GFPT2: variants seen among roughly 807,000 people sequenced by gnomAD.
The protein encoded by GFPT2 is glutamine--fructose-6-phosphate transaminase 2.
A neutral mutation model predicts 85.6 loss-of-function variants in GFPT2; 62 were observed. That is an observed-to-expected ratio of 0.72 (90% CI 0.59 to 0.90). The LOEUF (loss-of-function observed/expected upper bound fraction) is 0.90. GFPT2 is among the 40% of genes least tolerant of loss of function. GFPT2 has a pLI of 0.00. For missense variants in GFPT2, 788 were observed against 893.4 expected, an observed-to-expected ratio of 0.88 and a Z score of 1.50; for synonymous variants, 368 against 344.5, an observed-to-expected ratio of 1.07 and a Z score of -0.75.
At chr5:180,319,800 C>T (rs1374759475) in intron 9 of GFPT2, among the ~76,000 whole-genome samples, 1 of 152,074 alleles carries the variant, frequency 6.6e-6, no homozygotes, top group Non-Finnish European at 1.5e-5. Flanking sequence ...TTGTAAACTC[C>T]AGCGTACAGG....
At chr5:180,304,965 T>C (rs1763747352) in intron 16 of GFPT2, 26 bp from the exon 17 acceptor site, 1 of 1,555,440 alleles carries the variant, frequency 6.4e-7, no homozygotes, top group Non-Finnish European at 8.9e-7. Context: ...GAGATCAGAG[T>C]CACACTGGGC....
At chr5:180,335,325 G>A (rs535801519) in intron 4 of GFPT2, among the ~76,000 whole-genome samples, 28 of 152,362 alleles carry the variant, frequency 1.8e-4, no homozygotes, top group African/African-American at 6.3e-4. Context: ...GGCTGCTGAG[G>A]TCTCCCGCTG....
At chr5:180,309,466 A>G (rs544632079) in intron 15 of GFPT2, among the ~76,000 whole-genome samples, 3 of 152,158 alleles carry the variant, frequency 2.0e-5, no homozygotes, top group African/African-American at 7.2e-5. Context: ...TGTTGCCCAG[A>G]CTGGAGTGCA....
intron 4 of GFPT2, among the ~76,000 whole-genome samples, chr5:180,333,239 C>CT (rs11341578): frequency 2.6e-4 from 39 of 148,050 alleles, no homozygotes; most frequent in Admixed American, 1.0e-3. Context: ...CTTTTTCTTT[C>CT]TTTTTTTTTT....
intron 12 of GFPT2, 53 bp downstream of exon 12, chr5:180,316,711 G>C (rs974134662): frequency 7.8e-7 from 1 of 1,275,468 alleles, no homozygotes; most frequent in African/African-American, 1.5e-5. Flanking sequence ...CTGAAGGCCA[G>C]TGTCTGGTCC....
In GFPT2 at chr5:180,328,249, T is replaced by C. The variant is rs1328929267; in HGVS notation, c.596+28A>G. On this transcript the variant is annotated intron_variant, in intron 7 of 18. Transcript: ENST00000253778. The surrounding 1 kb of genome is among the most constrained non-coding windows in gnomAD (Gnocchi z 5.4). The stretch of plus-strand genomic sequence containing the variant: ...GTGATTTTATTTTCGTTCTTTCTTA[T>C]GGGAAATGCCAGTGTGTTTTGCCTC... 8 of 1,552,648 alleles carry C rather than the reference T, an allele frequency of 5.2e-6. No homozygotes were observed. Among genetic ancestry groups the C allele is most frequent in the Non-Finnish European group, 7.1e-6 (8 of 1,123,842 alleles).
At chr5:180,340,198 T>G (rs554951010) in intron 1 of GFPT2, among the ~76,000 whole-genome samples, 2 of 151,992 alleles carry the variant, frequency 1.3e-5, no homozygotes, top group South Asian at 4.2e-4. Flanking sequence ...TTTTTTTTGT[T>G]TTTGTTTTTG....
At chr5:180,316,630 T>C (rs1319697311) in intron 12 of GFPT2, 134 bp downstream of exon 12, 2 of 899,408 alleles carry the variant, frequency 2.2e-6, no homozygotes, top group Admixed American at 2.4e-5. Context: ...CTCCGTGTCA[T>C]TTCTCACGCT....
chr5:180,315,293 T>C (rs1467036322), intron 13 of GFPT2, among the ~76,000 whole-genome samples: 1 of 151,904 alleles, frequency 6.6e-6, no homozygotes, highest in Non-Finnish European at 1.5e-5. Flanking sequence ...TTCTCCTGCC[T>C]CAGCCTCCTG....
intron 1 of GFPT2, among the ~76,000 whole-genome samples, chr5:180,341,807 C>T (rs181865054): frequency 2.0e-5 from 3 of 152,280 alleles, no homozygotes; most frequent in East Asian, 1.9e-4. Context: ...GTGAGGGCCG[C>T]GCAGCACTGC....
At position 180,325,721 on chromosome 5, in the gene GFPT2, C is replaced by T. The variant is rs149980523; in HGVS notation, c.597-826G>A. ...CTGATTCACAACTTCTAGTGGTGGACGTGATGAAGATCTCATGATTTGGCT... is the reference window on the plus strand; with the variant it reads ...CTGATTCACAACTTCTAGTGGTGGATGTGATGAAGATCTCATGATTTGGCT... On this transcript the variant is annotated intron_variant, in intron 7 of 18. Transcript: ENST00000253778. Among the ~76,000 whole-genome samples the T allele has an allele frequency of 1.1e-4, 16 of 152,316 alleles. No individual in the cohort carries two copies. The South Asian group carries it at 2.1e-3, about 20-fold the overall frequency.
At position 180,318,333 on chromosome 5, in the gene GFPT2, T is replaced by G. The variant is rs538258003; in HGVS notation, c.958+460A>C. 6.6e-6 allele frequency among the ~76,000 whole-genome samples: 1 copy of G among 152,060 alleles called. No homozygotes were observed. Among genetic ancestry groups the G allele is most frequent in the Non-Finnish European group, 1.5e-5 (1 of 67,994 alleles). ...GCAGCGGGATGATCACAGGGGCTGA[T>G]TCATGTTCTTAGACGTTTGCTCAGG... On this transcript the variant is annotated intron_variant, in intron 10 of 18. Transcript: ENST00000253778. This position sits in a 1 kb window ranked among gnomAD's most constrained non-coding sequence, Gnocchi z 4.2.
At position 180,328,175 on chromosome 5, in the gene GFPT2, AC is replaced by A; in HGVS notation, c.596+101del. 1 of 863,928 alleles carries A rather than the reference AC, an allele frequency of 1.2e-6. No individual in the cohort carries two copies. The highest frequency in any genetic ancestry group is 2.0e-6 in the Non-Finnish European group (1 of 512,210). 53.5% of individuals were successfully genotyped at this position (863,928 alleles called of 1,614,324 possible). On this transcript the variant is annotated intron_variant, in intron 7 of 18. Transcript: ENST00000253778. The surrounding 1 kb of genome is among the most constrained non-coding windows in gnomAD (Gnocchi z 5.4). ...CAGTTGTTCTTTAGACACCACGAGC[AC>A]CTTTCAGCGTGCCACAGGCCCTACC... is the stretch of plus-strand genomic sequence containing the variant.
In GFPT2 at chr5:180,328,591, A is replaced by G. The variant is rs1281427114; in HGVS notation, c.535-253T>C. On this transcript the variant is annotated intron_variant, in intron 6 of 18. Transcript: ENST00000253778. This position sits in a 1 kb window ranked among gnomAD's most constrained non-coding sequence, Gnocchi z 5.4. The stretch of plus-strand genomic sequence containing the variant: ...CGATGTGCGGCTTGCCCAGGCCCAC[A>G]GGGAGCCCGGCAGGGGTGCCAGCTG... Among the ~76,000 whole-genome samples, 3 of 152,350 alleles carry G rather than the reference A, an allele frequency of 2.0e-5. No individual in the cohort carries two copies. The highest frequency in any genetic ancestry group is 7.2e-5 in the African/African-American group (3 of 41,578).
intron 1 of GFPT2, among the ~76,000 whole-genome samples, chr5:180,348,084 C>CA (rs1764645783): frequency 6.6e-6 from 1 of 152,212 alleles, no homozygotes; most frequent in African/African-American, 2.4e-5. Context: ...ACTCACCCCT[C>CA]AGAGATCTGT....
At position 180,304,644 on chromosome 5, in the gene GFPT2, G is replaced by A. The variant is rs142040040; in HGVS notation, c.1842+128C>T. Reference sequence around the variant, plus strand: ...GTGCACTCCCCACAGGCGGCCCGGGGGAGGGTGTGTGGTCACAGCCACTCA... The same window carrying A: ...GTGCACTCCCCACAGGCGGCCCGGGAGAGGGTGTGTGGTCACAGCCACTCA... On this transcript the variant is annotated intron_variant, in intron 17 of 18. Coordinates refer to ENST00000253778, the MANE Select transcript of GFPT2 (RefSeq NM_005110.4). The A allele has an allele frequency of 5.4e-5, 46 of 855,268 alleles. 1 individual carries two copies. The highest frequency in any genetic ancestry group is 3.6e-4 in the Middle Eastern group (1 of 2,764). 53.0% of individuals were successfully genotyped at this position (855,268 alleles called of 1,614,324 possible). A position where few individuals can be genotyped will look rare whatever the true frequency, so the allele number is the denominator to read the frequency against.
chr5:180,316,889 G>T, intron 11 of GFPT2, 28 bp from the exon 12 acceptor site: 1 of 1,583,694 alleles, frequency 6.3e-7, no homozygotes, highest in Non-Finnish European at 8.7e-7. Flanking sequence ...AGGCGTTAAT[G>T]CTGAGTCTAC....
chr5:180,327,111 G>A (rs528796131), intron 7 of GFPT2, among the ~76,000 whole-genome samples: 2 of 152,310 alleles, frequency 1.3e-5, no homozygotes, highest in African/African-American at 4.8e-5. Flanking sequence ...CAGTCTGGAA[G>A]AGACAGCCTC....
Position 180,348,349 on chromosome 5 carries a change from G to GT in GFPT2, c.7+4861dup, listed in dbSNP as rs561029204. Among the ~76,000 whole-genome samples the GT allele has an allele frequency of 2.9e-3, 440 of 152,366 alleles. 5 individuals carry two copies. The highest frequency in any genetic ancestry group is 5.2e-3 in the Non-Finnish European group (357 of 68,028). ...CCACTCTCCTGGGTGAGGCCCACAG[G>GT]TGTGGAGAGTCCCCTGGGCCTTGGG... On this transcript the variant is annotated intron_variant, in intron 1 of 18. Coordinates refer to ENST00000253778, the MANE Select transcript of GFPT2 (RefSeq NM_005110.4).
Sources: allele counts gnomAD v4.1 joint callset (sites outside exome capture counted in the v4.1 genomes callset), GRCh38; gene constraint gnomAD v4.1.1; non-coding constraint Gnocchi (gnomAD v3.1); transcripts MANE v1.5; gene names NCBI Gene and HGNC (gene_info 2026-07-23, HGNC 2026-07-21).